EYA2: variants seen among roughly 807,000 people sequenced by gnomAD.
The protein encoded by EYA2 is EYA transcriptional coactivator and phosphatase 2, also known as protein phosphatase EYA2.
Under a neutral mutation model 69.2 loss-of-function variants are expected in EYA2, and 31 were observed. That is an observed-to-expected ratio of 0.45 (90% CI 0.34 to 0.60). The LOEUF (loss-of-function observed/expected upper bound fraction) is 0.60. Among genes scored for constraint, EYA2 ranks in the 20% least tolerant of loss-of-function variants. EYA2 has a pLI of 0.02. For missense variants in EYA2, 622 were observed against 701.2 expected, an observed-to-expected ratio of 0.89 and a Z score of 1.28; for synonymous variants, 257 against 279.4, an observed-to-expected ratio of 0.92 and a Z score of 0.80.
chr20:47,019,174 GC>G (rs1308332499), intron 5 of EYA2, among the ~76,000 whole-genome samples: 1 of 152,090 alleles, frequency 6.6e-6, no homozygotes, highest in African/African-American at 2.4e-5. Context: ...TCAGGGGTGA[GC>G]CTAGGGCCCC....
intron 1 of EYA2, chr20:46,978,350 T>A: frequency 2.9e-6 from 1 of 343,626 alleles, no homozygotes; most frequent in Non-Finnish European, 5.8e-6. Flanking sequence ...TAGAGGGCCA[T>A]GGGCCTGTGA....
intron 4 of EYA2, among the ~76,000 whole-genome samples, chr20:47,006,171 C>A (rs1239043417): frequency 6.6e-6 from 1 of 152,224 alleles, no homozygotes; most frequent in East Asian, 1.9e-4. Context: ...CTAGGACTTC[C>A]TGCAGAGTCC....
rs1175059092 is a variant in EYA2 at position 47,089,252 on chromosome 20, A to C, written c.675A>C (p.Thr225=). 1 of 1,614,014 alleles carries C rather than the reference A, an allele frequency of 6.2e-7. No individual in the cohort carries two copies. The highest frequency in any genetic ancestry group is 8.5e-7 in the Non-Finnish European group (1 of 1,179,962). The part of the protein sequence containing the change: ...SSESLAGEYN[T]HNGPSTPAKE... ...TTCTTACGCCAGGTGAATACAACAC[A>C]CACAATGGACCTTCCACACCAGCGA... Residue 225 remains threonine (T), a synonymous_variant, in exon 8 of 16, where the codon ACA becomes ACC. Transcript: ENST00000327619.
chr20:47,107,229 A>C (rs2032608301), intron 9 of EYA2, among the ~76,000 whole-genome samples: 1 of 152,146 alleles, frequency 6.6e-6, no homozygotes, highest in Non-Finnish European at 1.5e-5. Context: ...AGCAAGACAC[A>C]TAGAAATGCA....
chr20:47,087,097 G>A (rs1268336181), intron 7 of EYA2, among the ~76,000 whole-genome samples: 1 of 152,146 alleles, frequency 6.6e-6, no homozygotes, highest in Non-Finnish European at 1.5e-5. Context: ...TGAAGACTCT[G>A]GGGAGGTGGA....
chr20:47,018,728 T>C (rs1193365932), intron 5 of EYA2, among the ~76,000 whole-genome samples: 2 of 152,238 alleles, frequency 1.3e-5, no homozygotes, highest in Admixed American at 6.5e-5. Flanking sequence ...TAATATTCTT[T>C]CTTCTTACAG....
chr20:47,142,986 AATGGGACCAAAAGGGT>A, intron 9 of EYA2, 57 bp from the exon 10 acceptor site: 1 of 1,417,228 alleles, frequency 7.1e-7, no homozygotes, highest in South Asian at 1.2e-5. Flanking sequence ...TCGGCAGTGG[AATGGGACCAAAAGGGT>A]AGCTAAGATT....
intron 9 of EYA2, among the ~76,000 whole-genome samples, chr20:47,103,166 A>G (rs576106068): frequency 3.9e-5 from 6 of 152,276 alleles, no homozygotes; most frequent in Non-Finnish European, 8.8e-5. Context: ...AATTTTTAGT[A>G]TATTCACAGA....
intron 5 of EYA2, among the ~76,000 whole-genome samples, chr20:47,037,433 C>T (rs1475838907): frequency 6.6e-6 from 1 of 152,196 alleles, no homozygotes; most frequent in Non-Finnish European, 1.5e-5. Flanking sequence ...TTACGTGTTG[C>T]ATTGTTATGT....
intron 1 of EYA2, among the ~76,000 whole-genome samples, chr20:46,989,459 G>A (rs987235524): frequency 6.6e-6 from 1 of 152,086 alleles, no homozygotes; most frequent in African/African-American, 2.4e-5. Context: ...AGTAGAGACG[G>A]CATTTCACCA....
At chr20:47,143,602 T>C (rs1041135013) in intron 10 of EYA2, among the ~76,000 whole-genome samples, 1 of 151,502 alleles carries the variant, frequency 6.6e-6, no homozygotes, top group Non-Finnish European at 1.5e-5. Context: ...AGAGAAAGAG[T>C]GAGAGTGAGC....
At chr20:47,075,692 A>T (rs952179129) in intron 7 of EYA2, among the ~76,000 whole-genome samples, 1 of 150,298 alleles carries the variant, frequency 6.7e-6, no homozygotes, top group Non-Finnish European at 1.5e-5. Flanking sequence ...AAGCATGTTC[A>T]TTTTTTTTTT....
chr20:47,009,116 G>GAATTT (rs1982903897), intron 4 of EYA2, among the ~76,000 whole-genome samples: 7 of 152,136 alleles, frequency 4.6e-5, no homozygotes, highest in Admixed American at 1.3e-4. Flanking sequence ...CCTCACCAGG[G>GAATTT]CCCACCCCAA....
At chr20:47,121,046 T>C (rs1312802310) in intron 9 of EYA2, among the ~76,000 whole-genome samples, 4 of 152,130 alleles carry the variant, frequency 2.6e-5, no homozygotes, top group Non-Finnish European at 5.9e-5. Flanking sequence ...TTTTTTGTTT[T>C]CTGGGAGGCT....
chr20:47,120,024 T>C (rs915249183), intron 9 of EYA2, among the ~76,000 whole-genome samples: 2 of 152,084 alleles, frequency 1.3e-5, no homozygotes, highest in African/African-American at 4.8e-5. Flanking sequence ...CTGGCCAACA[T>C]GGTGAAACCC....
intron 12 of EYA2, among the ~76,000 whole-genome samples, chr20:47,178,201 ATC>A (rs1000895841): frequency 2.0e-5 from 3 of 152,074 alleles, no homozygotes; most frequent in African/African-American, 4.8e-5. Flanking sequence ...GGTGGCAGGC[ATC>A]TGTAGTTCCA....
At chr20:46,962,870 G>A (rs1979556858) in intron 1 of EYA2, among the ~76,000 whole-genome samples, 1 of 152,220 alleles carries the variant, frequency 6.6e-6, no homozygotes, top group South Asian at 2.1e-4. Context: ...CTTTACCCAT[G>A]GGCCTTCTCT....
intron 9 of EYA2, among the ~76,000 whole-genome samples, chr20:47,132,094 A>C (rs1484191652): frequency 6.6e-6 from 1 of 152,134 alleles, no homozygotes; most frequent in Non-Finnish European, 1.5e-5. Context: ...GACTGTAGGC[A>C]CACACCACCA....
intron 7 of EYA2, among the ~76,000 whole-genome samples, chr20:47,075,315 T>G (rs1021939840): frequency 3.3e-5 from 5 of 152,206 alleles, no homozygotes; most frequent in Non-Finnish European, 5.9e-5. Flanking sequence ...ATCATACAAA[T>G]ATCTCATTAC....
Sources: allele counts gnomAD v4.1 joint callset (sites outside exome capture counted in the v4.1 genomes callset), GRCh38; gene constraint gnomAD v4.1.1; transcripts MANE v1.5; gene names NCBI Gene and HGNC (gene_info 2026-07-23, HGNC 2026-07-21).